MACROD2: variants seen among roughly 807,000 people sequenced by gnomAD.
MACROD2 encodes the protein mono-ADP ribosylhydrolase 2.
In MACROD2, 36 loss-of-function variants were observed where a neutral mutation model predicts 70.4. The ratio of observed to expected loss-of-function variants is 0.51; its 90% CI spans 0.39 to 0.68. MACROD2 has a LOEUF of 0.68. Among genes scored for constraint, MACROD2 ranks in the 30% least tolerant of loss-of-function variants. The pLI is 0.00. For synonymous variants in MACROD2, 172 were observed against 178.8 expected, an observed-to-expected ratio of 0.96 and a Z score of 0.30; for missense variants, 496 against 538.4, an observed-to-expected ratio of 0.92 and a Z score of 0.78.
intron 5 of MACROD2, among the ~76,000 whole-genome samples, chr20:15,179,380 G>T: frequency 6.6e-6 from 1 of 152,088 alleles, no homozygotes. Flanking sequence ...TAGTTAACAA[G>T]CTACTTGGAA....
intron 10 of MACROD2, among the ~76,000 whole-genome samples, chr20:15,904,539 T>G (rs1170263583): frequency 6.6e-6 from 1 of 151,954 alleles, no homozygotes; most frequent in Non-Finnish European, 1.5e-5. Context: ...ACTTCCCAGT[T>G]AAGGAATGAT....
chr20:15,585,134 T>C (rs1226911192), intron 8 of MACROD2, among the ~76,000 whole-genome samples: 1 of 152,032 alleles, frequency 6.6e-6, no homozygotes, highest in Non-Finnish European at 1.5e-5. Flanking sequence ...GATCTCTCCG[T>C]GTGCTCCATC....
chr20:14,953,150 A>G (rs2074488969), intron 5 of MACROD2, among the ~76,000 whole-genome samples: 1 of 152,190 alleles, frequency 6.6e-6, no homozygotes. Flanking sequence ...AAATGATAAA[A>G]TGCAGATAAA....
intron 15 of MACROD2, among the ~76,000 whole-genome samples, chr20:16,036,097 A>G (rs2067231806): frequency 6.6e-6 from 1 of 152,034 alleles, no homozygotes; most frequent in Non-Finnish European, 1.5e-5. Flanking sequence ...AGGTGGTTCA[A>G]GAAGGTTTGC....
intron 6 of MACROD2, among the ~76,000 whole-genome samples, chr20:15,397,844 A>G (rs1219605139): frequency 6.6e-6 from 1 of 152,028 alleles, no homozygotes; most frequent in East Asian, 1.9e-4. Context: ...ATCTTCACCA[A>G]CTCCACTGTT....
At chr20:14,138,938 A>G (rs1329689355) in intron 3 of MACROD2, among the ~76,000 whole-genome samples, 4 of 152,168 alleles carry the variant, frequency 2.6e-5, no homozygotes, top group Admixed American at 2.6e-4. Context: ...ACGTCAATAA[A>G]GCTATAAAAA....
intron 4 of MACROD2, among the ~76,000 whole-genome samples, chr20:14,671,389 C>T (rs1438454300): frequency 6.6e-6 from 1 of 152,010 alleles, no homozygotes; most frequent in Non-Finnish European, 1.5e-5. Context: ...TCATATTTTT[C>T]CAAGAGATTT....
In MACROD2 at chr20:15,130,099, C is replaced by T. The variant is rs142876694; in HGVS notation, c.419-99841C>T. 5.9e-5 allele frequency among the ~76,000 whole-genome samples: 9 copies of T among 152,228 alleles called. No homozygotes were observed. In the East Asian group the frequency reaches 1.7e-3, roughly 29 times the overall value. ...GACCCATATTGTGTTTTAAATAACA[C>T]TTCCAAAAGTATATCATGGGTCAGT... On this transcript the variant is annotated intron_variant, in intron 5 of 17. Transcript: ENST00000684519.
chr20:14,414,875 A>T (rs2083786735), intron 3 of MACROD2, among the ~76,000 whole-genome samples: 2 of 151,490 alleles, frequency 1.3e-5, no homozygotes, highest in African/African-American at 2.4e-5. Context: ...AATCCTATTT[A>T]AAAAACTCTG....
chr20:15,806,058 A>G (rs1266447523), intron 8 of MACROD2, among the ~76,000 whole-genome samples: 1 of 152,180 alleles, frequency 6.6e-6, no homozygotes, highest in Admixed American at 6.5e-5. Context: ...ACCTCTGGAG[A>G]TATAGTCAGT....
intron 8 of MACROD2, among the ~76,000 whole-genome samples, chr20:15,802,481 G>C (rs2063734733): frequency 6.6e-6 from 1 of 152,084 alleles, no homozygotes; most frequent in Non-Finnish European, 1.5e-5. Context: ...CTGTTGATGT[G>C]CTGTATCACA....
intron 3 of MACROD2, among the ~76,000 whole-genome samples, chr20:14,400,432 G>A (rs944409786): frequency 4.6e-5 from 7 of 152,170 alleles, no homozygotes; most frequent in Non-Finnish European, 2.9e-5. Flanking sequence ...CTCTCAGGTA[G>A]TTTTATCATA....
At chr20:14,592,584 T>G (rs1386172049) in intron 4 of MACROD2, among the ~76,000 whole-genome samples, 2 of 152,084 alleles carry the variant, frequency 1.3e-5, no homozygotes, top group Non-Finnish European at 1.5e-5. Flanking sequence ...CCACCATGAC[T>G]GGCTAACTTT....
intron 4 of MACROD2, among the ~76,000 whole-genome samples, chr20:14,682,970 C>T (rs2123591584): frequency 6.6e-6 from 1 of 152,222 alleles, no homozygotes; most frequent in South Asian, 2.1e-4. Flanking sequence ...ACCTCCGCCT[C>T]CTAGGTTCAA....
intron 5 of MACROD2, among the ~76,000 whole-genome samples, chr20:14,711,483 A>T (rs2071337759): frequency 6.6e-6 from 1 of 152,192 alleles, no homozygotes; most frequent in Admixed American, 6.5e-5. Flanking sequence ...TTGAAATGTT[A>T]TTAATCCTAA....
chr20:15,095,199 C>T (rs1240234042), intron 5 of MACROD2, among the ~76,000 whole-genome samples: 4 of 151,074 alleles, frequency 2.6e-5, no homozygotes, highest in African/African-American at 9.7e-5. Context: ...GCCTCAGCCT[C>T]CCCAGTAGCT....
intron 4 of MACROD2, among the ~76,000 whole-genome samples, chr20:14,575,017 C>CAAAAAAAAAAAAAAAAAA (rs1195216470): frequency 4.0e-5 from 2 of 49,954 alleles, no homozygotes; most frequent in Admixed American, 2.3e-4. Flanking sequence ...GACTCTGTCT[C>CAAAAAAAAAAAAAAAAAA]AAAAAAAAAA....
intron 8 of MACROD2, among the ~76,000 whole-genome samples, chr20:15,831,448 A>C (rs1290628990): frequency 6.6e-6 from 1 of 152,200 alleles, no homozygotes; most frequent in Non-Finnish European, 1.5e-5. Context: ...TAATGCTTGC[A>C]TGTGTCTCCC....
intron 5 of MACROD2, among the ~76,000 whole-genome samples, chr20:14,756,367 C>T (rs1277610007): frequency 6.6e-6 from 1 of 152,102 alleles, no homozygotes; most frequent in East Asian, 1.9e-4. Flanking sequence ...ATTTTTCTCA[C>T]AGCATCTGTT....
Sources: gnomAD v4.1 joint callset for allele counts (sites outside exome capture counted in the v4.1 genomes callset) on GRCh38, gnomAD v4.1.1 for gene constraint, MANE v1.5 for transcripts, NCBI Gene and HGNC (gene_info 2026-07-23, HGNC 2026-07-21) for gene names.